The following PLCB1 variants were observed in gnomAD, a reference collection of about 807,000 sequenced individuals.
PLCB1 encodes the protein 1-phosphatidylinositol 4,5-bisphosphate phosphodiesterase beta-1.
In PLCB1, 46 loss-of-function variants were observed where a neutral mutation model predicts 161.8. The observed-to-expected ratio is 0.28, with a 90% CI of 0.22 to 0.36. The LOEUF is 0.36. Among genes scored for constraint, PLCB1 ranks in the 10% least tolerant of loss-of-function variants. PLCB1 has a pLI of 1.00. For missense variants in PLCB1, 1,016 were observed against 1,472.5 expected (o/e 0.69, Z 5.07); for synonymous variants, 517 against 503.7 (o/e 1.03, Z -0.35).
In PLCB1 at chr20:8,881,965, A is replaced by G. The variant is rs1988013954; in HGVS notation, c.*116A>G. ...CCCGAGAAGCATCCCTTAGCCTAAAATCCACACCAAAGGGAGAGTTCCAGA... is the reference window on the plus strand; with the variant it reads ...CCCGAGAAGCATCCCTTAGCCTAAAGTCCACACCAAAGGGAGAGTTCCAGA... On this transcript the variant is annotated 3_prime_UTR_variant, in exon 32 of 32. Transcript: ENST00000338037. 4.4e-6 allele frequency: 3 copies of G among 687,024 alleles called. No individual in the cohort carries two copies. Among genetic ancestry groups the G allele is most frequent in the East Asian group, 5.4e-5 (2 of 37,370 alleles). The allele number at this position is 687,024 out of a possible 1,614,324, so 42.6% of individuals were successfully genotyped here.
intron 3 of PLCB1, among the ~76,000 whole-genome samples, chr20:8,564,252 A>G (rs757665213): frequency 8.5e-5 from 13 of 152,226 alleles, no homozygotes; most frequent in Non-Finnish European, 1.8e-4. Context: ...TCCCTAGTTA[A>G]TAAATGGTGT....
chr20:8,740,366 G>A lies in PLCB1; in HGVS notation c.2331G>A (p.Arg777=), dbSNP rs1274817612. The change falls in exon 22 of 32, where the codon AGG becomes AGA. Residue 777 remains arginine (R), a synonymous_variant. Coordinates refer to ENST00000338037, the MANE Select transcript of PLCB1 (RefSeq NM_015192.4). ...CAGGCTATCACTATATCTGTCTAAG[G>A]AATGAAAGGAACCAGCCTCTGACGC... The part of the protein sequence containing the change: ...IRPGYHYICL[R]NERNQPLTLP... 2 of 1,605,868 alleles carry A rather than the reference G, an allele frequency of 1.2e-6. No individual in the cohort carries two copies. The highest frequency in any genetic ancestry group is 8.5e-7 in the Non-Finnish European group (1 of 1,174,880).
chr20:8,161,652 A>G (rs939760350), intron 2 of PLCB1, among the ~76,000 whole-genome samples: 1 of 152,208 alleles, frequency 6.6e-6, no homozygotes, highest in African/African-American at 2.4e-5. Context: ...GACAAACTGT[A>G]TGAAGAAGGT....
intron 24 of PLCB1, 145 bp downstream of exon 24, chr20:8,757,323 T>C (rs931643785): frequency 3.6e-5 from 27 of 754,636 alleles, no homozygotes; most frequent in Non-Finnish European, 5.1e-5. Context: ...CAATGTGCAA[T>C]TAATGAATGA....
chr20:8,723,292 G>GTA (rs1328985200), intron 15 of PLCB1, among the ~76,000 whole-genome samples: 2 of 152,100 alleles, frequency 1.3e-5, no homozygotes, highest in East Asian at 3.9e-4. Flanking sequence ...TTTCAATTGT[G>GTA]TATAATTTCT....
chr20:8,393,024 A>T (rs76258780), intron 3 of PLCB1, among the ~76,000 whole-genome samples: 5,688 of 152,260 alleles, frequency 0.037, 152 homozygotes, highest in Non-Finnish European at 0.061. Flanking sequence ...TTTCAAGAAG[A>T]TGGAATAACC....
At chr20:8,500,335 C>T (rs1983353910) in intron 3 of PLCB1, among the ~76,000 whole-genome samples, 1 of 152,178 alleles carries the variant, frequency 6.6e-6, no homozygotes, top group African/African-American at 2.4e-5. Context: ...ATACCACATA[C>T]ATTTACATTC....
At chr20:8,220,986 A>C (rs1163717901) in intron 2 of PLCB1, among the ~76,000 whole-genome samples, 1 of 152,186 alleles carries the variant, frequency 6.6e-6, no homozygotes, top group Non-Finnish European at 1.5e-5. Flanking sequence ...TTATGGTTTC[A>C]TCACTGGCAA....
chr20:8,734,529 T>C (rs1183757849), intron 19 of PLCB1, among the ~76,000 whole-genome samples: 2 of 151,848 alleles, frequency 1.3e-5, no homozygotes, highest in African/African-American at 2.4e-5. Context: ...TAAATATATA[T>C]GTATATATAC....
intron 2 of PLCB1, among the ~76,000 whole-genome samples, chr20:8,186,338 A>G (rs1240915581): frequency 7.9e-5 from 12 of 152,202 alleles, no homozygotes; most frequent in Admixed American, 7.9e-4. Flanking sequence ...TTTAAGAATA[A>G]TCTGAAGTTT....
At chr20:8,629,198 T>C (rs919289727) in intron 4 of PLCB1, among the ~76,000 whole-genome samples, 1 of 152,070 alleles carries the variant, frequency 6.6e-6, no homozygotes, top group African/African-American at 2.4e-5. Context: ...TCAGTTAATA[T>C]GTAGACTAAT....
At chr20:8,573,866 A>C (rs986247627) in intron 3 of PLCB1, among the ~76,000 whole-genome samples, 1 of 152,234 alleles carries the variant, frequency 6.6e-6, no homozygotes, top group Non-Finnish European at 1.5e-5. Context: ...CAAGAATTCC[A>C]TGCTTCTGTA....
intron 2 of PLCB1, among the ~76,000 whole-genome samples, chr20:8,364,207 C>A (rs969300416): frequency 6.6e-6 from 1 of 152,118 alleles, no homozygotes; most frequent in Non-Finnish European, 1.5e-5. Flanking sequence ...TGGTGGATTC[C>A]TTATCTCCCT....
chr20:8,737,324 A>G (rs1474542158), intron 20 of PLCB1, 132 bp downstream of exon 20: 2 of 735,050 alleles, frequency 2.7e-6, no homozygotes, highest in Non-Finnish European at 4.4e-6. Flanking sequence ...TTACCTTTTG[A>G]AAGCCATTCT....
At chr20:8,582,796 T>C (rs574380043) in intron 3 of PLCB1, among the ~76,000 whole-genome samples, 1 of 152,268 alleles carries the variant, frequency 6.6e-6, no homozygotes, top group African/African-American at 2.4e-5. Context: ...CAGACCAGCC[T>C]GGCCCACATG....
intron 2 of PLCB1, among the ~76,000 whole-genome samples, chr20:8,177,758 G>A (rs2051798333): frequency 6.6e-6 from 1 of 152,114 alleles, no homozygotes; most frequent in African/African-American, 2.4e-5. Flanking sequence ...ACAGGTCCCA[G>A]GGATTTGCTG....
intron 3 of PLCB1, among the ~76,000 whole-genome samples, chr20:8,534,464 TA>T (rs1984961197): frequency 6.6e-6 from 1 of 152,134 alleles, no homozygotes; most frequent in South Asian, 2.1e-4. Context: ...AGTCACTCCC[TA>T]AAATTGGAGT....
At chr20:8,341,213 T>C (rs1027612754) in intron 2 of PLCB1, among the ~76,000 whole-genome samples, 1 of 152,170 alleles carries the variant, frequency 6.6e-6, no homozygotes, top group African/African-American at 2.4e-5. Context: ...GTACTACTCA[T>C]TCCATGACTT....
At chr20:8,455,432 CTTTTTTTTTTTT>C (rs1175763739) in intron 3 of PLCB1, among the ~76,000 whole-genome samples, 5 of 74,166 alleles carry the variant, frequency 6.7e-5, no homozygotes, top group African/African-American at 1.3e-4. Context: ...TATTCTTCCT[CTTTTTTTTTTTT>C]TTTTTTTTTT....
Sources: gnomAD v4.1 joint callset for allele counts (sites outside exome capture counted in the v4.1 genomes callset) on GRCh38, gnomAD v4.1.1 for gene constraint, MANE v1.5 for transcripts, NCBI Gene and HGNC (gene_info 2026-07-23, HGNC 2026-07-21) for gene names.